LRRTM4: variants seen among roughly 807,000 people sequenced by gnomAD.
LRRTM4 encodes the protein leucine rich repeat transmembrane neuronal 4.
LRRTM4 carries 25 observed loss-of-function variants against 47.6 expected under a neutral mutation model. The observed-to-expected ratio is 0.53, with a 90% CI of 0.38 to 0.73. The LOEUF is 0.73. Among genes scored for constraint, LRRTM4 ranks in the 30% least tolerant of loss-of-function variants. The pLI is 0.00. For synonymous variants in LRRTM4, 311 were observed against 269.5 expected (o/e 1.15, Z -1.51); for missense variants, 638 against 713.4 (o/e 0.89, Z 1.20).
intron 3 of LRRTM4, among the ~76,000 whole-genome samples, chr2:76,851,539 G>A (rs1039784918): frequency 1.3e-5 from 2 of 151,756 alleles, no homozygotes; most frequent in Non-Finnish European, 2.9e-5. Flanking sequence ...TAGACCCAAC[G>A]AGAAGGAAGC....
At chr2:77,158,876 T>A (rs1262190418) in intron 3 of LRRTM4, among the ~76,000 whole-genome samples, 1 of 151,940 alleles carries the variant, frequency 6.6e-6, no homozygotes, top group East Asian at 1.9e-4. Flanking sequence ...TTTAACTTTA[T>A]AATTAATTAC....
chr2:77,274,447 A>G (rs1234188182), intron 3 of LRRTM4, among the ~76,000 whole-genome samples: 1 of 152,176 alleles, frequency 6.6e-6, no homozygotes, highest in East Asian at 1.9e-4. Context: ...TCTTATGGGA[A>G]GAATTTTTTT....
At chr2:77,354,435 G>C (rs190802400) in intron 3 of LRRTM4, among the ~76,000 whole-genome samples, 1 of 151,884 alleles carries the variant, frequency 6.6e-6, no homozygotes, top group Non-Finnish European at 1.5e-5. Context: ...TATTGGGTGG[G>C]GGTGGGTAAT....
intron 3 of LRRTM4, among the ~76,000 whole-genome samples, chr2:77,493,756 G>A (rs1185029195): frequency 1.3e-5 from 2 of 152,016 alleles, no homozygotes; most frequent in Non-Finnish European, 2.9e-5. Flanking sequence ...TTATAAGGAT[G>A]ACATCAATGA....
intron 3 of LRRTM4, among the ~76,000 whole-genome samples, chr2:77,138,261 T>C (rs953428072): frequency 2.0e-5 from 3 of 152,124 alleles, no homozygotes; most frequent in Non-Finnish European, 2.9e-5. Flanking sequence ...ACAGAAATTA[T>C]AACAAACTGT....
Position 76,972,412 on chromosome 2 carries a change from CTTTTTTTTTT to C in LRRTM4, c.1552-223506_1552-223497del, listed in dbSNP as rs397869502. On this transcript the variant is annotated intron_variant, in intron 3 of 3. Transcript: ENST00000409884. ...AGTCCATTCATTTATTCATTGAACACTTTTTTTTTTTTTTTTTTTTTTTGAGCTGGAGTCT... is the reference window on the plus strand; with the variant it reads ...AGTCCATTCATTTATTCATTGAACACTTTTTTTTTTTTTGAGCTGGAGTCT... Among the ~76,000 whole-genome samples, 198 of 95,264 alleles carry C rather than the reference CTTTTTTTTTT, an allele frequency of 2.1e-3. 1 individual carries two copies. Among genetic ancestry groups the C allele is most frequent in the African/African-American group, 8.3e-3 (192 of 23,014 alleles). 62.5% of individuals were successfully genotyped at this position (95,264 alleles called of 152,430 possible).
intron 3 of LRRTM4, among the ~76,000 whole-genome samples, chr2:76,839,883 T>A (rs1313434077): frequency 6.6e-6 from 1 of 152,120 alleles, no homozygotes; most frequent in East Asian, 1.9e-4. Flanking sequence ...TAAAGGCCAG[T>A]GTCTTATTGG....
intron 3 of LRRTM4, among the ~76,000 whole-genome samples, chr2:77,054,154 G>C (rs1679527000): frequency 6.6e-6 from 1 of 152,150 alleles, no homozygotes; most frequent in African/African-American, 2.4e-5. Flanking sequence ...GTTCTGAGGA[G>C]TCAGTAACAG....
At chr2:77,159,297 T>C (rs1197416031) in intron 3 of LRRTM4, among the ~76,000 whole-genome samples, 1 of 152,120 alleles carries the variant, frequency 6.6e-6, no homozygotes, top group East Asian at 1.9e-4. Flanking sequence ...TTGATGAACA[T>C]TTTGTGTATG....
At chr2:76,910,702 G>A (rs1056220431) in intron 3 of LRRTM4, among the ~76,000 whole-genome samples, 1 of 152,188 alleles carries the variant, frequency 6.6e-6, no homozygotes, top group African/African-American at 2.4e-5. Flanking sequence ...TCACAAAGAT[G>A]CTAGATGGTC....
intron 3 of LRRTM4, among the ~76,000 whole-genome samples, chr2:76,929,949 G>A (rs1027729450): frequency 6.8e-5 from 10 of 146,848 alleles, no homozygotes; most frequent in Middle Eastern, 6.9e-3. Context: ...GTGTGTGTGT[G>A]TGTGTGTGTG....
Position 76,884,360 on chromosome 2 carries a change from A to G in LRRTM4, c.1552-135444T>C, listed in dbSNP as rs761134340. ...AAAGCTAGTTTTCAAAGCTTAGAAA[A>G]TAACTACTATACAGTCTGTTTTCAC... On this transcript the variant is annotated intron_variant, in intron 3 of 3. Transcript: ENST00000409884. Among the ~76,000 whole-genome samples the G allele has an allele frequency of 1.3e-3, 193 of 152,320 alleles. 1 individual carries two copies. Among genetic ancestry groups the G allele is most frequent in the Non-Finnish European group, 1.7e-3 (116 of 68,024 alleles).
At chr2:77,126,529 A>G (rs1428253113) in intron 3 of LRRTM4, among the ~76,000 whole-genome samples, 1 of 152,172 alleles carries the variant, frequency 6.6e-6, no homozygotes, top group African/African-American at 2.4e-5. Context: ...GCTACGTATA[A>G]TGGTGATTCC....
At chr2:77,195,119 C>T (rs1673773698) in intron 3 of LRRTM4, among the ~76,000 whole-genome samples, 1 of 151,764 alleles carries the variant, frequency 6.6e-6, no homozygotes, top group Non-Finnish European at 1.5e-5. Context: ...CCTTTGGTTT[C>T]ATGTATTTAC....
rs59335400 is a variant in LRRTM4, at chr2:77,207,372, T to TATATATATATATATACAC, written c.1551+310945_1551+310946insGTGTATATATATATATAT. On this transcript the variant is annotated intron_variant, in intron 3 of 3. Coordinates refer to ENST00000409884, the MANE Select transcript of LRRTM4 (RefSeq NM_001134745.3). ...GTGTATATATATATATATATATATA[T>TATATATATATATATACAC]ACACACACACATATTTATATACACA... 2.3e-3 allele frequency among the ~76,000 whole-genome samples: 307 copies of TATATATATATATATACAC among 130,906 alleles called. 1 individual carries two copies. The highest frequency in any genetic ancestry group is 8.1e-3 in the African/African-American group (248 of 30,780). 85.9% of individuals were successfully genotyped at this position (130,906 alleles called of 152,430 possible).
chr2:77,225,135 T>G (rs977731959), intron 3 of LRRTM4, among the ~76,000 whole-genome samples: 3 of 146,456 alleles, frequency 2.0e-5, no homozygotes, highest in African/African-American at 7.6e-5. Flanking sequence ...ACACCGCATG[T>G]TCTCACTCAT....
chr2:77,307,929 T>C, intron 3 of LRRTM4, among the ~76,000 whole-genome samples: 1 of 103,466 alleles, frequency 9.7e-6, no homozygotes, highest in South Asian at 3.1e-4. Context: ...TAGATATATC[T>C]ATATATTATA....
chr2:77,274,480 C>T (rs1224341980), intron 3 of LRRTM4, among the ~76,000 whole-genome samples: 1 of 152,122 alleles, frequency 6.6e-6, no homozygotes, highest in Non-Finnish European at 1.5e-5. Flanking sequence ...AACAGATATG[C>T]TTCCAATGTC....
intron 3 of LRRTM4, among the ~76,000 whole-genome samples, chr2:77,421,422 TC>T (rs1674877605): frequency 6.6e-6 from 1 of 151,936 alleles, no homozygotes; most frequent in African/African-American, 2.4e-5. Context: ...GAAGGAAGAG[TC>T]CAGGCCGGGC....
Sources: gnomAD v4.1 joint callset for allele counts (sites outside exome capture counted in the v4.1 genomes callset) on GRCh38, gnomAD v4.1.1 for gene constraint, MANE v1.5 for transcripts, NCBI Gene and HGNC (gene_info 2026-07-23, HGNC 2026-07-21) for gene names.